The following EPHA5 variants were observed in gnomAD, a reference collection of about 807,000 sequenced individuals.
EPHA5 encodes ephrin type-A receptor 5.
A neutral mutation model predicts 105.0 loss-of-function variants in EPHA5; 60 were observed. The observed-to-expected ratio is 0.57, with a 90% confidence interval of 0.46 to 0.71. EPHA5 has a LOEUF of 0.71. EPHA5 is among the 30% of genes least tolerant of loss of function. The pLI is 0.00. For missense variants in EPHA5, 1,218 were observed against 1,274.7 expected (o/e 0.96, Z 0.68); for synonymous variants, 513 against 449.1 (o/e 1.14, Z -1.80).
Position 65,648,496 on chromosome 4 carries a change from G to T in EPHA5, c.182-5069C>A, listed in dbSNP as rs1175542167. ...AATGTGTGATCCTTGATGACATGAA[G>T]ATAGACAATTAGAAGTCATATTCTT... On this transcript the variant is annotated intron_variant, in intron 1 of 16. Transcript: ENST00000613740. 2.0e-5 allele frequency among the ~76,000 whole-genome samples: 3 copies of T among 152,180 alleles called. No individual in the cohort carries two copies. The East Asian group carries it at 5.8e-4, about 29-fold the overall frequency.
chr4:65,416,237 TAAAAG>T (rs1322185060), intron 6 of EPHA5, among the ~76,000 whole-genome samples: 2 of 152,050 alleles, frequency 1.3e-5, no homozygotes, highest in African/African-American at 4.8e-5. Context: ...TATAAACAAT[TAAAAG>T]AAGGCCTCAA....
At chr4:65,539,609 T>C (rs909672247) in intron 3 of EPHA5, among the ~76,000 whole-genome samples, 2 of 151,632 alleles carry the variant, frequency 1.3e-5, no homozygotes, top group Non-Finnish European at 3.0e-5. Flanking sequence ...AATAGAGATA[T>C]TGCTCCCTCA....
chr4:65,330,973 C>A, intron 16 of EPHA5: 2 of 1,044,912 alleles, frequency 1.9e-6, no homozygotes, highest in Non-Finnish European at 1.2e-6. Flanking sequence ...CTGTTACCTT[C>A]TGTGGGGAGG....
At chr4:65,579,334 G>T (rs1741372871) in intron 3 of EPHA5, among the ~76,000 whole-genome samples, 1 of 139,760 alleles carries the variant, frequency 7.2e-6, no homozygotes, top group South Asian at 2.3e-4. Flanking sequence ...TAACCTGCAT[G>T]TGTAAATATA....
At chr4:65,571,327 A>T (rs1740155540) in intron 3 of EPHA5, among the ~76,000 whole-genome samples, 1 of 151,846 alleles carries the variant, frequency 6.6e-6, no homozygotes, top group Non-Finnish European at 1.5e-5. Flanking sequence ...CAAGTAAAAA[A>T]AAAAAAACAG....
chr4:65,338,780 C>A (rs12651646), intron 14 of EPHA5, among the ~76,000 whole-genome samples: 1 of 151,570 alleles, frequency 6.6e-6, no homozygotes, highest in African/African-American at 2.4e-5. Flanking sequence ...TCTAATGATT[C>A]TTTATAATAG....
At position 65,324,098 on chromosome 4, in the gene EPHA5, C is replaced by T. The variant is rs111816056; in HGVS notation, c.*16G>A. 1.5e-4 allele frequency: 241 copies of T among 1,555,812 alleles called. 1 individual carries two copies. The East Asian group carries it at 1.8e-3, about 12-fold the overall frequency. ...GTGCAGAATCATTCACTTGAAGAAG[C>T]GACATTTACATGAAGTTACAATGGC... On this transcript the variant is annotated 3_prime_UTR_variant, in exon 17 of 17. Transcript: ENST00000613740.
intron 5 of EPHA5, among the ~76,000 whole-genome samples, chr4:65,441,830 T>C (rs1312456675): frequency 6.6e-6 from 1 of 152,168 alleles, no homozygotes; most frequent in African/African-American, 2.4e-5. Context: ...AGAATAATTA[T>C]CAAGGAAATC....
chr4:65,480,830 G>A (rs190783115), intron 5 of EPHA5, among the ~76,000 whole-genome samples: 8 of 151,470 alleles, frequency 5.3e-5, no homozygotes, highest in African/African-American at 1.9e-4. Flanking sequence ...ATTTCAACTA[G>A]CCAGAGTATA....
At chr4:65,474,455 A>G (rs1729600958) in intron 5 of EPHA5, among the ~76,000 whole-genome samples, 1 of 152,150 alleles carries the variant, frequency 6.6e-6, no homozygotes, top group Admixed American at 6.5e-5. Flanking sequence ...CTATTTACTG[A>G]GTTATAATGT....
At chr4:65,350,533 A>G (rs1722718504) in intron 13 of EPHA5, among the ~76,000 whole-genome samples, 1 of 152,226 alleles carries the variant, frequency 6.6e-6, no homozygotes, top group South Asian at 2.1e-4. Flanking sequence ...TATCTTCACA[A>G]GGGTTTTAGA....
intron 11 of EPHA5, among the ~76,000 whole-genome samples, chr4:65,357,458 C>A (rs1345396171): frequency 6.6e-6 from 1 of 151,444 alleles, no homozygotes; most frequent in African/African-American, 2.4e-5. Context: ...TTGGGAATCA[C>A]AAATATGTCA....
At chr4:65,395,649 A>G (rs533239364) in intron 8 of EPHA5, among the ~76,000 whole-genome samples, 51 of 152,198 alleles carry the variant, frequency 3.4e-4, no homozygotes, top group Non-Finnish European at 5.6e-4. Flanking sequence ...TTGAGTTTCA[A>G]TTGTTGAATA....
In EPHA5 at chr4:65,504,560, G is replaced by GA. The variant is rs778434531; in HGVS notation, c.911-9018dup. On this transcript the variant is annotated intron_variant, in intron 3 of 16. Transcript: ENST00000613740. ...TACAAGTCTAAATGCCAAGGGTATG[G>GA]AAAAATATTTATGGAAAGACATTCT... 1.5e-3 allele frequency among the ~76,000 whole-genome samples: 226 copies of GA among 151,912 alleles called. 1 individual carries two copies. The highest frequency in any genetic ancestry group is 2.3e-3 in the Non-Finnish European group (157 of 67,894).
chr4:65,431,934 G>C (rs1393489259), intron 5 of EPHA5, among the ~76,000 whole-genome samples: 2 of 152,008 alleles, frequency 1.3e-5, no homozygotes, highest in Admixed American at 1.3e-4. Context: ...AATGAAACAG[G>C]AAAGTGGTAT....
intron 2 of EPHA5, among the ~76,000 whole-genome samples, chr4:65,614,985 T>C (rs1009829131): frequency 1.3e-5 from 2 of 151,584 alleles, no homozygotes; most frequent in African/African-American, 4.8e-5. Flanking sequence ...TTATATGGAG[T>C]TTACAAGTAT....
chr4:65,334,651 A>G (rs1310324137), intron 15 of EPHA5, among the ~76,000 whole-genome samples: 2 of 152,026 alleles, frequency 1.3e-5, no homozygotes, highest in Non-Finnish European at 2.9e-5. Flanking sequence ...AGTGAGTGGT[A>G]CAGTCGGTCT....
intron 7 of EPHA5, among the ~76,000 whole-genome samples, chr4:65,411,769 G>A (rs954959375): frequency 6.6e-6 from 1 of 152,118 alleles, no homozygotes; most frequent in Non-Finnish European, 1.5e-5. Context: ...CTGGAAAAAA[G>A]TATTAATTTA....
intron 6 of EPHA5, among the ~76,000 whole-genome samples, chr4:65,416,363 G>T (rs997479850): frequency 6.6e-6 from 1 of 151,950 alleles, no homozygotes; most frequent in Non-Finnish European, 1.5e-5. Context: ...TATTTACCAA[G>T]AATATTGGAA....
Sources: allele counts gnomAD v4.1 joint callset (sites outside exome capture counted in the v4.1 genomes callset), GRCh38; gene constraint gnomAD v4.1.1; transcripts MANE v1.5; gene names NCBI Gene and HGNC (gene_info 2026-07-23, HGNC 2026-07-21).